Variants in SERINC5 observed in about 807,000 individuals in gnomAD.
SERINC5 encodes chromosome 5 open reading frame 12.
A neutral mutation model predicts 63.1 loss-of-function variants in SERINC5; 41 were observed. That is an observed-to-expected ratio of 0.65 (90% CI 0.51 to 0.84). The LOEUF (loss-of-function observed/expected upper bound fraction) is 0.84. Ranked by LOEUF, SERINC5 falls within the 40% of genes least tolerant of loss-of-function variation. The pLI, the probability that SERINC5 is intolerant of heterozygous loss-of-function variation, is 0.00. For synonymous variants in SERINC5, 222 were observed against 215.2 expected (o/e 1.03, Z -0.28); for missense variants, 523 against 573.0 (o/e 0.91, Z 0.89).
At chr5:80,244,738 C>T (rs535707918) in intron 1 of SERINC5, among the ~76,000 whole-genome samples, 51 of 152,208 alleles carry the variant, frequency 3.4e-4, no homozygotes, top group African/African-American at 1.2e-3. Context: ...AGGAGAAACG[C>T]TTGAACCCAG....
intron 11 of SERINC5, among the ~76,000 whole-genome samples, chr5:80,113,922 G>A (rs557922934): frequency 9.2e-5 from 14 of 152,034 alleles, no homozygotes; most frequent in Non-Finnish European, 1.8e-4. Flanking sequence ...GCCTGTGGGC[G>A]AGGCTCCCCA....
intron 1 of SERINC5, 72 bp downstream of exon 1, chr5:80,255,824 G>A (rs888103157): frequency 2.0e-6 from 3 of 1,508,910 alleles, no homozygotes; most frequent in East Asian, 2.5e-5. Flanking sequence ...ACCCAGGCAG[G>A]TCCTCCACGC....
intron 2 of SERINC5, among the ~76,000 whole-genome samples, chr5:80,201,025 G>A (rs969578572): frequency 2.0e-5 from 3 of 152,078 alleles, no homozygotes; most frequent in African/African-American, 7.2e-5. Context: ...CTTGAACCTG[G>A]GAGGCGGAGG....
chr5:80,132,427 T>C (rs1406833959), intron 11 of SERINC5, among the ~76,000 whole-genome samples: 1 of 152,156 alleles, frequency 6.6e-6, no homozygotes, highest in Non-Finnish European at 1.5e-5. Flanking sequence ...GGTATTTCTA[T>C]ATGAACATGC....
intron 7 of SERINC5, among the ~76,000 whole-genome samples, chr5:80,163,235 G>A (rs1223894351): frequency 3.3e-5 from 5 of 152,072 alleles, no homozygotes; most frequent in African/African-American, 1.2e-4. Flanking sequence ...CAGTGTTTTG[G>A]TGGAGCCTTT....
intron 1 of SERINC5, among the ~76,000 whole-genome samples, chr5:80,243,314 A>G (rs2112596267): frequency 6.6e-6 from 1 of 152,318 alleles, no homozygotes; most frequent in Non-Finnish European, 1.5e-5. Flanking sequence ...CAGATAAAAA[A>G]AGACTCTTAC....
rs116405902 is a variant in SERINC5 at position 80,192,591 on chromosome 5, G to A, written c.195+10295C>T. Among the ~76,000 whole-genome samples, 1,025 of 152,180 alleles carry A rather than the reference G, an allele frequency of 6.7e-3. 6 individuals carry two copies. Among genetic ancestry groups the A allele is most frequent in the South Asian group, 0.016 (77 of 4,832 alleles). ...GCCATCAATAGCTCGAACAGAAAAC[G>A]TCCTCACATCTGTCACACAAACACA... On this transcript the variant is annotated intron_variant, in intron 2 of 11. Coordinates refer to ENST00000507668, the MANE Select transcript of SERINC5 (RefSeq NM_001174072.3).
chr5:80,144,402 T>G (rs538396983), intron 11 of SERINC5, among the ~76,000 whole-genome samples: 31 of 152,352 alleles, frequency 2.0e-4, no homozygotes, highest in African/African-American at 7.5e-4. Flanking sequence ...ACATTGTAAC[T>G]CAATGTTTAA....
intron 1 of SERINC5, among the ~76,000 whole-genome samples, chr5:80,254,566 G>C (rs545656718): frequency 6.6e-6 from 1 of 152,176 alleles, no homozygotes; most frequent in South Asian, 2.1e-4. Flanking sequence ...AATAAAAAGT[G>C]TCGCATCATA....
chr5:80,200,464 C>A (rs1320959978), intron 2 of SERINC5, among the ~76,000 whole-genome samples: 1 of 149,796 alleles, frequency 6.7e-6, no homozygotes, highest in Non-Finnish European at 1.5e-5. Flanking sequence ...CCAGCCTGGG[C>A]GACAGAGCAA....
intron 2 of SERINC5, among the ~76,000 whole-genome samples, chr5:80,195,559 T>A (rs973803500): frequency 6.6e-6 from 1 of 152,156 alleles, no homozygotes; most frequent in Non-Finnish European, 1.5e-5. Context: ...TTCAGGCATT[T>A]TTGGATCCCT....
intron 11 of SERINC5, among the ~76,000 whole-genome samples, chr5:80,116,882 A>T: frequency 6.6e-6 from 1 of 151,184 alleles, no homozygotes; most frequent in South Asian, 2.1e-4. Flanking sequence ...AGGCTGGAGT[A>T]TACTGACACA....
At chr5:80,214,614 G>A (rs1390211973) in intron 1 of SERINC5, among the ~76,000 whole-genome samples, 2 of 151,980 alleles carry the variant, frequency 1.3e-5, no homozygotes, top group Non-Finnish European at 2.9e-5. Flanking sequence ...GAAAATAGTT[G>A]GGTCAGGAGC....
chr5:80,118,953 G>C (rs1285452701), intron 11 of SERINC5, among the ~76,000 whole-genome samples: 1 of 152,000 alleles, frequency 6.6e-6, no homozygotes, highest in Non-Finnish European at 1.5e-5. Context: ...ATTTTGGGGA[G>C]ATATAAATAT....
intron 2 of SERINC5, among the ~76,000 whole-genome samples, chr5:80,199,940 C>T (rs1399612739): frequency 6.6e-6 from 1 of 152,080 alleles, no homozygotes; most frequent in Non-Finnish European, 1.5e-5. Flanking sequence ...TAAAAAAACA[C>T]AAGTAGTACA....
At chr5:80,240,132 ACACCAGGTAGAAAACTG>A (rs1176779803) in intron 1 of SERINC5, among the ~76,000 whole-genome samples, 2 of 152,228 alleles carry the variant, frequency 1.3e-5, no homozygotes, top group African/African-American at 2.4e-5. Flanking sequence ...CTACTGAGAA[ACACCAGGTAGAAAACTG>A]CACCAAGCTG....
intron 2 of SERINC5, among the ~76,000 whole-genome samples, chr5:80,199,364 TGA>T (rs1749693815): frequency 6.6e-6 from 1 of 152,232 alleles, no homozygotes; most frequent in Non-Finnish European, 1.5e-5. Context: ...AGTACAGTGC[TGA>T]TGAAGTAAGA....
At chr5:80,215,610 G>A (rs1331317584) in intron 1 of SERINC5, among the ~76,000 whole-genome samples, 4 of 152,132 alleles carry the variant, frequency 2.6e-5, no homozygotes, top group African/African-American at 7.2e-5. Flanking sequence ...CCTCTAAAGC[G>A]CCAAGGCTTT....
intron 1 of SERINC5, among the ~76,000 whole-genome samples, chr5:80,252,208 G>A (rs376800670): frequency 1.8e-4 from 27 of 151,960 alleles, no homozygotes; most frequent in African/African-American, 6.0e-4. Flanking sequence ...AATACAGGTC[G>A]TGCACCATCA....
Sources: allele counts gnomAD v4.1 joint callset (sites outside exome capture counted in the v4.1 genomes callset), GRCh38; gene constraint gnomAD v4.1.1; transcripts MANE v1.5; gene names NCBI Gene and HGNC (gene_info 2026-07-23, HGNC 2026-07-21).